The following WHR1 variants were observed in gnomAD, a reference collection of about 807,000 sequenced individuals.
WHR1 encodes winged helix repair factor 1.
the WHR1 span, among the ~76,000 whole-genome samples, chr6:31,975,886 A>T: frequency 7.4e-6 from 1 of 135,760 alleles, no homozygotes; most frequent in African/African-American, 2.8e-5. Context: ...CCTCCCGGAC[A>T]GGGCGGCTGG....
At chr6:31,975,834 C>T in the WHR1 span, among the ~76,000 whole-genome samples, 2 of 151,916 alleles carry the variant, frequency 1.3e-5, no homozygotes, top group African/African-American at 2.4e-5. Context: ...CAGAGGGGCT[C>T]CTCACTTCCC....
At chr6:31,976,718 G>C in the WHR1 span, among the ~76,000 whole-genome samples, 1 of 152,244 alleles carries the variant, frequency 6.6e-6, no homozygotes, top group African/African-American at 2.4e-5. Flanking sequence ...GTTGTAGCAA[G>C]CCGAGATCCC....
chr6:31,971,913 T>C, the WHR1 span: 1 of 1,529,686 alleles, frequency 6.5e-7, no homozygotes, highest in Non-Finnish European at 8.8e-7. This position sits in a 1 kb window ranked among gnomAD's most constrained non-coding sequence, Gnocchi z 4.5. Context: ...TGCGCTCAGA[T>C]CAAGAATCCA....
At chr6:31,976,936 C>G in the WHR1 span, among the ~76,000 whole-genome samples, 16 of 152,180 alleles carry the variant, frequency 1.1e-4, no homozygotes, top group South Asian at 4.1e-4. Flanking sequence ...CGCAGGCACT[C>G]GGCAGGCTGA....
the WHR1 span, chr6:31,972,203 C>T: frequency 1.2e-6 from 2 of 1,612,046 alleles, no homozygotes; most frequent in Non-Finnish European, 1.7e-6. The surrounding 1 kb of genome is among the most constrained non-coding windows in gnomAD (Gnocchi z 6.3). Flanking sequence ...CCCGGCCTGG[C>T]GGAGGTGATG....
chr6:31,972,877 C>T, the WHR1 span: 14 of 1,509,094 alleles, frequency 9.3e-6, no homozygotes, highest in Non-Finnish European at 1.3e-5. The surrounding 1 kb of genome is among the most constrained non-coding windows in gnomAD (Gnocchi z 6.3). Context: ...GGCACTGTGC[C>T]AGGCACTGGG....
At chr6:31,971,338 T>A in the WHR1 span, 15 of 1,544,126 alleles carry the variant, frequency 9.7e-6, no homozygotes, top group Non-Finnish European at 6.1e-6. This position sits in a 1 kb window ranked among gnomAD's most constrained non-coding sequence, Gnocchi z 4.5. Flanking sequence ...CCGGCCTCGG[T>A]GTTCCAGGAG....
At chr6:31,977,732 C>T in the WHR1 span, among the ~76,000 whole-genome samples, 4 of 152,230 alleles carry the variant, frequency 2.6e-5, no homozygotes, top group African/African-American at 9.6e-5. Context: ...TCAAGTGATC[C>T]ACCCTTAGCG....
the WHR1 span, chr6:31,972,419 G>A: frequency 6.2e-7 from 1 of 1,613,094 alleles, no homozygotes; most frequent in Non-Finnish European, 8.5e-7. This position sits in a 1 kb window ranked among gnomAD's most constrained non-coding sequence, Gnocchi z 6.3. Context: ...GATATGAGCT[G>A]GAAGAGGCAT....
At chr6:31,973,382 TAGAC>T in the WHR1 span, 2 of 200,752 alleles carry the variant, frequency 1.0e-5, no homozygotes, top group Non-Finnish European at 2.1e-5. Context: ...ACAAAGGTAT[TAGAC>T]AGTTGGATAT....
chr6:31,978,627 G>A, the WHR1 span, among the ~76,000 whole-genome samples: 1 of 152,136 alleles, frequency 6.6e-6, no homozygotes, highest in Non-Finnish European at 1.5e-5. Flanking sequence ...GCCACAGCCT[G>A]CATCTTAATC....
chr6:31,973,002 C>G, the WHR1 span: 1 of 728,140 alleles, frequency 1.4e-6, no homozygotes, highest in South Asian at 1.5e-5. Flanking sequence ...TTCGAACATA[C>G]AGCGCTGGGA....
chr6:31,976,399 C>T, the WHR1 span, among the ~76,000 whole-genome samples: 1 of 151,790 alleles, frequency 6.6e-6, no homozygotes, highest in African/African-American at 2.4e-5. Flanking sequence ...TCCTCACCTC[C>T]CAGACGGGGT....
chr6:31,976,139 C>G, the WHR1 span, among the ~76,000 whole-genome samples: 25 of 141,564 alleles, frequency 1.8e-4, no homozygotes, highest in Non-Finnish European at 2.8e-4. Context: ...GGGGGGCTGA[C>G]CCCCCCACCT....
chr6:31,972,649 C>T, the WHR1 span: 1 of 1,613,500 alleles, frequency 6.2e-7, no homozygotes, highest in South Asian at 1.1e-5. This position sits in a 1 kb window ranked among gnomAD's most constrained non-coding sequence, Gnocchi z 6.3. Flanking sequence ...TCTCAGAACT[C>T]ATGCAGCTGT....
At chr6:31,976,411 G>A in the WHR1 span, among the ~76,000 whole-genome samples, 5 of 151,254 alleles carry the variant, frequency 3.3e-5, no homozygotes, top group South Asian at 4.2e-4. Context: ...AGACGGGGTC[G>A]CGGCCGGGCA....
chr6:31,972,655 G>A, the WHR1 span: 1 of 1,613,620 alleles, frequency 6.2e-7, no homozygotes, highest in Non-Finnish European at 8.5e-7. The surrounding 1 kb of genome is among the most constrained non-coding windows in gnomAD (Gnocchi z 6.3). Context: ...AACTCATGCA[G>A]CTGTTCCCGC....
At chr6:31,975,600 C>G in the WHR1 span, among the ~76,000 whole-genome samples, 1 of 146,176 alleles carries the variant, frequency 6.8e-6, no homozygotes, top group African/African-American at 2.5e-5. Context: ...TCCCAAAGTG[C>G]TGTTTTTTTT....
At chr6:31,972,685 G>T in the WHR1 span, 1 of 1,613,746 alleles carries the variant, frequency 6.2e-7, no homozygotes, top group Non-Finnish European at 8.5e-7. This position sits in a 1 kb window ranked among gnomAD's most constrained non-coding sequence, Gnocchi z 6.3. Flanking sequence ...TTGAGGACGC[G>T]CTGCCGCCCA....
Sources: gnomAD v4.1 joint callset for allele counts (sites outside exome capture counted in the v4.1 genomes callset) on GRCh38, gnomAD v4.1.1 for gene constraint, Gnocchi (gnomAD v3.1) non-coding constraint, MANE v1.5 for transcripts, NCBI Gene and HGNC (gene_info 2026-07-23, HGNC 2026-07-21) for gene names.